CFAP20DC: variants seen among roughly 807,000 people sequenced by gnomAD.
CFAP20DC encodes the protein protein CFAP20DC.
Under a neutral mutation model 101.7 loss-of-function variants are expected in CFAP20DC, and 84 were observed. The observed-to-expected ratio is 0.83, with a 90% CI of 0.69 to 0.99. The LOEUF is 0.99. Among genes scored for constraint, CFAP20DC ranks in the 50% least tolerant of loss-of-function variants. The pLI is 0.00. For synonymous variants in CFAP20DC, 359 were observed against 351.2 expected, an observed-to-expected ratio of 1.02 and a Z score of -0.25; for missense variants, 1,007 against 970.3, an observed-to-expected ratio of 1.04 and a Z score of -0.50.
chr3:58,804,785 C>T (rs936458465), intron 15 of CFAP20DC, among the ~76,000 whole-genome samples: 61 of 152,154 alleles, frequency 4.0e-4, no homozygotes, highest in African/African-American at 1.4e-3. Flanking sequence ...TTCTTACTGA[C>T]GTGTTCACCT....
chr3:58,855,954 G>A (rs911154080), intron 12 of CFAP20DC, among the ~76,000 whole-genome samples: 23 of 149,740 alleles, frequency 1.5e-4, no homozygotes, highest in African/African-American at 5.7e-4. Context: ...CCTGCACAAT[G>A]TGCACATGTA....
In CFAP20DC at chr3:58,742,437, G is replaced by A. The variant is rs983990283; in HGVS notation, c.*23C>T. On this transcript the variant is annotated 3_prime_UTR_variant, in exon 17 of 17. Transcript: ENST00000482387. ...TATTCTGCTCCAGCTGGGAGTGCCT[G>A]CTCTCTGCCCCGGAAGGAGGCATTA... 1 of 1,576,606 alleles carries A rather than the reference G, an allele frequency of 6.3e-7. No individual in the cohort carries two copies. Among genetic ancestry groups the A allele is most frequent in the East Asian group, 2.3e-5 (1 of 43,046 alleles).
In CFAP20DC at chr3:58,721,068, A is replaced by T. The variant is rs766439130; in HGVS notation, c.198-3440T>A. Reference sequence around the variant, plus strand: ...GTTAGGTTCCTCATTTTTCTCTCCCAGAGCTTTTCTTTCAACACATACCTC... The same window carrying T: ...GTTAGGTTCCTCATTTTTCTCTCCCTGAGCTTTTCTTTCAACACATACCTC... On this transcript the variant is annotated intron_variant, in intron 3 of 3. Coordinates refer to the CFAP20DC transcript ENST00000486145. This position sits in a 1 kb window ranked among gnomAD's most constrained non-coding sequence, Gnocchi z 5.2. 6.6e-6 allele frequency among the ~76,000 whole-genome samples: 1 copy of T among 152,164 alleles called. No individual in the cohort carries two copies. The highest frequency in any genetic ancestry group is 2.4e-5 in the African/African-American group (1 of 41,444).
At chr3:58,723,982 G>C (rs1375332353) in intron 3 of CFAP20DC, among the ~76,000 whole-genome samples, 2 of 152,190 alleles carry the variant, frequency 1.3e-5, no homozygotes, top group Non-Finnish European at 2.9e-5. Context: ...CCTGTCTCAC[G>C]TGGATAGAGG....
intron 4 of CFAP20DC, among the ~76,000 whole-genome samples, chr3:58,950,257 A>G (rs905159726): frequency 2.6e-5 from 4 of 152,216 alleles, no homozygotes; most frequent in African/African-American, 9.6e-5. Context: ...AACAAAATAA[A>G]AGAGGATACA....
intron 13 of CFAP20DC, among the ~76,000 whole-genome samples, chr3:58,835,196 A>AGG (rs1207479983): frequency 6.6e-6 from 1 of 152,206 alleles, no homozygotes; most frequent in Non-Finnish European, 1.5e-5. Context: ...CAGTCTACAA[A>AGG]GGGAGACCTG....
chr3:58,873,692 A>G (rs2080476836), intron 7 of CFAP20DC, among the ~76,000 whole-genome samples: 1 of 151,784 alleles, frequency 6.6e-6, no homozygotes. Flanking sequence ...GCTGTCAGGC[A>G]GGTGCTCAAG....
intron 13 of CFAP20DC, among the ~76,000 whole-genome samples, chr3:58,846,844 C>T (rs1450004709): frequency 1.3e-5 from 2 of 148,502 alleles, no homozygotes; most frequent in East Asian, 4.0e-4. Context: ...AGAACAGAGC[C>T]CTCAGAAATA....
At chr3:58,940,384 T>C (rs763772415) in intron 4 of CFAP20DC, among the ~76,000 whole-genome samples, 1 of 152,254 alleles carries the variant, frequency 6.6e-6, no homozygotes, top group Non-Finnish European at 1.5e-5. Context: ...ACAAATACTT[T>C]CTTATGTTTC....
At chr3:58,907,551 T>C (rs1576252172) in intron 6 of CFAP20DC, among the ~76,000 whole-genome samples, 1 of 152,188 alleles carries the variant, frequency 6.6e-6, no homozygotes, top group African/African-American at 2.4e-5. Flanking sequence ...AATAACCTTA[T>C]AGCAATCAAT....
chr3:58,778,554 C>G (rs2071543676), intron 15 of CFAP20DC, among the ~76,000 whole-genome samples: 1 of 152,200 alleles, frequency 6.6e-6, no homozygotes, highest in African/African-American at 2.4e-5. Context: ...CTACTACCAT[C>G]ATTTATGCCA....
chr3:58,943,779 G>A (rs1229984324), intron 4 of CFAP20DC, among the ~76,000 whole-genome samples: 1 of 152,068 alleles, frequency 6.6e-6, no homozygotes, highest in Non-Finnish European at 1.5e-5. Flanking sequence ...ACTACTCTAA[G>A]CTAAAGGAGC....
chr3:58,812,818 G>A (rs1281822533), intron 14 of CFAP20DC, among the ~76,000 whole-genome samples: 2 of 151,772 alleles, frequency 1.3e-5, no homozygotes, highest in Non-Finnish European at 2.9e-5. Flanking sequence ...TATTATTTTA[G>A]TGGCCCAGTC....
rs2067598188 is a variant in CFAP20DC, at chr3:58,729,113, A to C, written c.198-11485T>G. Among the ~76,000 whole-genome samples the C allele has an allele frequency of 6.6e-6, 1 of 152,220 alleles. No homozygotes were observed. On this transcript the variant is annotated intron_variant, in intron 3 of 3. Transcript: ENST00000486145. The surrounding 1 kb of genome is among the most constrained non-coding windows in gnomAD (Gnocchi z 4.4). ...GTCTGGACCAAAAAATCTTGACTGCAACCTCATGAGAGACCCCAAGCCAGA... is the reference window on the plus strand; with the variant it reads ...GTCTGGACCAAAAAATCTTGACTGCCACCTCATGAGAGACCCCAAGCCAGA...
intron 4 of CFAP20DC, among the ~76,000 whole-genome samples, chr3:59,003,024 T>G (rs554184095): frequency 7.2e-5 from 11 of 152,310 alleles, no homozygotes; most frequent in Admixed American, 3.9e-4. Flanking sequence ...TCTAAAAGAC[T>G]TATTTTATAA....
chr3:58,807,395 C>G (rs183605093), intron 14 of CFAP20DC, among the ~76,000 whole-genome samples: 123 of 152,314 alleles, frequency 8.1e-4, no homozygotes, highest in Middle Eastern at 3.4e-3. Flanking sequence ...CAGACAGCAG[C>G]ATTCGTGGTT....
intron 4 of CFAP20DC, among the ~76,000 whole-genome samples, chr3:59,011,988 C>G (rs950112031): frequency 2.6e-5 from 4 of 152,126 alleles, no homozygotes; most frequent in Non-Finnish European, 5.9e-5. Context: ...TACCAACAAT[C>G]TTGAGTATTT....
intron 15 of CFAP20DC, among the ~76,000 whole-genome samples, chr3:58,757,635 T>A (rs2069090108): frequency 6.6e-6 from 1 of 152,156 alleles, no homozygotes; most frequent in Non-Finnish European, 1.5e-5. Context: ...GCACCCATGT[T>A]TTCTTCCATT....
downstream of CFAP20DC, chr3:58,737,034 CTT>C: frequency 6.4e-6 from 2 of 313,828 alleles, no homozygotes; most frequent in South Asian, 5.5e-5. The surrounding 1 kb of genome is among the most constrained non-coding windows in gnomAD (Gnocchi z 4.1). Flanking sequence ...TAGATTTATC[CTT>C]TGTTATAAGT....
Sources: allele counts gnomAD v4.1 joint callset (sites outside exome capture counted in the v4.1 genomes callset), GRCh38; gene constraint gnomAD v4.1.1; non-coding constraint Gnocchi (gnomAD v3.1); transcripts MANE v1.5; gene names NCBI Gene and HGNC (gene_info 2026-07-23, HGNC 2026-07-21).